Variants in CDH13 observed in about 807,000 individuals in gnomAD.
CDH13 encodes the protein cadherin 13.
A neutral mutation model predicts 63.8 loss-of-function variants in CDH13; 24 were observed. The observed-to-expected ratio is 0.38, with a 90% CI of 0.27 to 0.53. The LOEUF is 0.53. Ranked by LOEUF, CDH13 falls within the 20% of genes least tolerant of loss-of-function variation. CDH13 has a pLI of 0.85. For synonymous variants in CDH13, 503 were observed against 355.3 expected (o/e 1.42, Z -4.67); for missense variants, 1,049 against 903.1 (o/e 1.16, Z -2.07).
chr16:83,290,838 A>C (rs1597676184), intron 5 of CDH13, among the ~76,000 whole-genome samples: 1 of 151,672 alleles, frequency 6.6e-6, no homozygotes, highest in Non-Finnish European at 1.5e-5. Flanking sequence ...GCCGCCTTTC[A>C]CCTTGCTTTT....
intron 6 of CDH13, among the ~76,000 whole-genome samples, chr16:83,373,407 G>T (rs1238420769): frequency 1.8e-4 from 28 of 152,134 alleles, no homozygotes; most frequent in African/African-American, 6.3e-4. Flanking sequence ...TGATTGGTAA[G>T]CTGAGTCTTG....
intron 1 of CDH13, among the ~76,000 whole-genome samples, chr16:82,759,080 TG>T (rs1177574256): frequency 6.6e-6 from 1 of 152,180 alleles, no homozygotes; most frequent in East Asian, 1.9e-4. Flanking sequence ...CCTGTAAATG[TG>T]GGGAAGCTGG....
chr16:83,141,192 A>T (rs2036515010), intron 4 of CDH13, among the ~76,000 whole-genome samples: 1 of 152,202 alleles, frequency 6.6e-6, no homozygotes. Flanking sequence ...GCCTGCTCCA[A>T]ATACCTCACT....
At chr16:83,177,253 G>T (rs747752750) in intron 4 of CDH13, among the ~76,000 whole-genome samples, 74 of 152,220 alleles carry the variant, frequency 4.9e-4, no homozygotes, top group Non-Finnish European at 2.9e-4. Context: ...TATGACAATT[G>T]ATAACATTGC....
chr16:83,141,989 T>C (rs540655765), intron 4 of CDH13, among the ~76,000 whole-genome samples: 1 of 152,232 alleles, frequency 6.6e-6, no homozygotes, highest in African/African-American at 2.4e-5. Context: ...AGGAAAGCAC[T>C]GGCTGAAAAG....
At chr16:83,300,540 G>T (rs1483563933) in intron 5 of CDH13, among the ~76,000 whole-genome samples, 2 of 152,200 alleles carry the variant, frequency 1.3e-5, no homozygotes, top group Non-Finnish European at 2.9e-5. Context: ...TCATGTGTTG[G>T]TTCAACAAAC....
intron 2 of CDH13, among the ~76,000 whole-genome samples, chr16:83,010,158 A>AAAAAAAAAAAAC (rs1555561348): frequency 2.9e-5 from 4 of 136,800 alleles, no homozygotes; most frequent in African/African-American, 1.1e-4. Flanking sequence ...AAAAAAAAAA[A>AAAAAAAAAAAAC]AAAACAAGAA....
chr16:83,669,932 C>T (rs1009321832), intron 8 of CDH13, among the ~76,000 whole-genome samples: 1 of 152,188 alleles, frequency 6.6e-6, no homozygotes, highest in Non-Finnish European at 1.5e-5. Flanking sequence ...ATACTTTATG[C>T]TTTCGGCTCA....
chr16:83,236,171 A>G (rs535601588), intron 5 of CDH13, among the ~76,000 whole-genome samples: 2 of 152,098 alleles, frequency 1.3e-5, no homozygotes, highest in South Asian at 2.1e-4. Context: ...ATATAGAATA[A>G]CTTTTCCAAA....
intron 1 of CDH13, among the ~76,000 whole-genome samples, chr16:82,847,769 G>T (rs1042199155): frequency 6.6e-6 from 1 of 152,128 alleles, no homozygotes. Flanking sequence ...AGCATGTGAA[G>T]GCCATTCACT....
chr16:82,632,158 C>A (rs958089549), intron 1 of CDH13, among the ~76,000 whole-genome samples: 1 of 152,156 alleles, frequency 6.6e-6, no homozygotes, highest in Non-Finnish European at 1.5e-5. Flanking sequence ...GACGTGCCTC[C>A]GTAGCTTGCC....
intron 7 of CDH13, among the ~76,000 whole-genome samples, chr16:83,577,812 A>G (rs560036364): frequency 6.6e-6 from 1 of 152,354 alleles, no homozygotes; most frequent in East Asian, 1.9e-4. Context: ...ACTAAATAAT[A>G]CGTGTTTACT....
intron 5 of CDH13, among the ~76,000 whole-genome samples, chr16:83,258,134 A>T (rs1906516424): frequency 1.3e-5 from 2 of 152,200 alleles, no homozygotes; most frequent in African/African-American, 4.8e-5. Flanking sequence ...GCTATTTCTG[A>T]TTTACACAAT....
intron 5 of CDH13, among the ~76,000 whole-genome samples, chr16:83,218,711 G>C (rs1211956925): frequency 6.6e-6 from 1 of 152,168 alleles, no homozygotes; most frequent in Non-Finnish European, 1.5e-5. Flanking sequence ...TCTTAACAGA[G>C]TGATCAAGAG....
chr16:82,684,495 T>A (rs1914866039), intron 1 of CDH13, among the ~76,000 whole-genome samples: 1 of 152,246 alleles, frequency 6.6e-6, no homozygotes, highest in South Asian at 2.1e-4. Context: ...ATGTCTGCCA[T>A]GTGCACGGGT....
At chr16:82,919,417 A>G (rs1597213608) in intron 2 of CDH13, among the ~76,000 whole-genome samples, 1 of 152,188 alleles carries the variant, frequency 6.6e-6, no homozygotes, top group South Asian at 2.1e-4. Flanking sequence ...GTGTCCATGT[A>G]TTCTCATCAT....
chr16:82,826,945 A>G (rs1306609168), intron 1 of CDH13, among the ~76,000 whole-genome samples: 2 of 152,218 alleles, frequency 1.3e-5, no homozygotes, highest in African/African-American at 4.8e-5. Flanking sequence ...GGTACTAAGA[A>G]TGCACAATTG....
rs1255805093 is a variant in CDH13, at chr16:82,644,206, C to T, written c.45+17069C>T. On this transcript the variant is annotated intron_variant, in intron 1 of 13. Transcript: ENST00000567109. The surrounding 1 kb of genome is among the most constrained non-coding windows in gnomAD (Gnocchi z 5.7). ...GTTTGGCACCCTTTGGCTGGTGCGG[C>T]TGAAGAATTCAATAGCCTAGTAATG... Among the ~76,000 whole-genome samples the T allele has an allele frequency of 6.6e-6, 1 of 152,136 alleles. No individual in the cohort carries two copies. The highest frequency in any genetic ancestry group is 1.5e-5 in the Non-Finnish European group (1 of 68,040).
At chr16:82,866,259 C>T (rs1330816028) in intron 2 of CDH13, among the ~76,000 whole-genome samples, 1 of 152,110 alleles carries the variant, frequency 6.6e-6, no homozygotes, top group Non-Finnish European at 1.5e-5. Flanking sequence ...CTGTTCCAGC[C>T]CCTGCCTGTT....
Sources: allele counts gnomAD v4.1 joint callset (sites outside exome capture counted in the v4.1 genomes callset), GRCh38; gene constraint gnomAD v4.1.1; non-coding constraint Gnocchi (gnomAD v3.1); transcripts MANE v1.5; gene names NCBI Gene and HGNC (gene_info 2026-07-23, HGNC 2026-07-21).